SND1: variants seen among roughly 807,000 people sequenced by gnomAD.
SND1 encodes the protein staphylococcal nuclease domain-containing protein 1.
A neutral mutation model predicts 121.7 loss-of-function variants in SND1; 38 were observed. The ratio of observed to expected loss-of-function variants is 0.31; its 90% CI spans 0.24 to 0.41. The LOEUF is 0.41. Among genes scored for constraint, SND1 ranks in the 10% least tolerant of loss-of-function variants. The pLI, the probability that SND1 is intolerant of heterozygous loss-of-function variation, is 1.00. For synonymous variants in SND1, 401 were observed against 447.4 expected, an observed-to-expected ratio of 0.90 and a Z score of 1.31; for missense variants, 868 against 1,184.6, an observed-to-expected ratio of 0.73 and a Z score of 3.92.
At chr7:127,867,297 A>G (rs1799494141) in intron 12 of SND1, among the ~76,000 whole-genome samples, 1 of 152,284 alleles carries the variant, frequency 6.6e-6, no homozygotes, top group East Asian at 1.9e-4. Context: ...CCTTTTCAGT[A>G]TACCACACTT....
At chr7:127,801,430 C>T (rs1211378690) in intron 10 of SND1, among the ~76,000 whole-genome samples, 1 of 152,064 alleles carries the variant, frequency 6.6e-6, no homozygotes, top group African/African-American at 2.4e-5. Context: ...TTTTTCTTAT[C>T]AATTGTCCGT....
intron 10 of SND1, among the ~76,000 whole-genome samples, chr7:127,801,588 G>A (rs980441822): frequency 6.6e-6 from 1 of 152,120 alleles, no homozygotes; most frequent in African/African-American, 2.4e-5. Context: ...CCATGGCATG[G>A]ACATTGCTTT....
chr7:128,031,747 G>A (rs1187322202), intron 16 of SND1: 1 of 144,448 alleles, frequency 6.9e-6, no homozygotes, highest in Admixed American at 6.8e-5. Context: ...CGGCGGCGGC[G>A]GCCGCAGCCC....
At chr7:128,000,488 C>T (rs1802799942) in intron 16 of SND1, among the ~76,000 whole-genome samples, 1 of 151,978 alleles carries the variant, frequency 6.6e-6, no homozygotes, top group African/African-American at 2.4e-5. Context: ...CCACCTCAGC[C>T]TCTCAAGTAG....
At chr7:128,019,757 T>C (rs1387894949) in intron 16 of SND1, among the ~76,000 whole-genome samples, 3 of 152,218 alleles carry the variant, frequency 2.0e-5, no homozygotes, top group Non-Finnish European at 4.4e-5. Context: ...TAAATGTATG[T>C]GATAAAATTA....
intron 15 of SND1, among the ~76,000 whole-genome samples, chr7:127,980,962 A>G (rs1341342316): frequency 6.6e-6 from 1 of 152,218 alleles, no homozygotes; most frequent in Admixed American, 6.5e-5. Flanking sequence ...AAAAATCAAA[A>G]GGGAGGAAAA....
chr7:127,732,314 A>G (rs902732095), intron 10 of SND1, among the ~76,000 whole-genome samples: 3 of 152,064 alleles, frequency 2.0e-5, no homozygotes, highest in South Asian at 2.1e-4. Context: ...TCTACCTGCT[A>G]CCCTCCCTCT....
chr7:128,066,980 C>G (rs2117041264), intron 16 of SND1, among the ~76,000 whole-genome samples: 3 of 152,266 alleles, frequency 2.0e-5, no homozygotes, highest in Admixed American at 2.0e-4. Flanking sequence ...TCTCCATTTC[C>G]CGCGCCCCCC....
rs1792501848 is a variant in SND1 at position 128,029,283 on chromosome 7, A to C, written c.1779+38227A>C. ...GGTCTCCACTGTTACTGTGGTGAAG[A>C]AGCTGTAGTTGGAGGTGTTAAGCTC... On this transcript the variant is annotated intron_variant, in intron 16 of 23. Transcript: ENST00000354725. The surrounding 1 kb of genome is among the most constrained non-coding windows in gnomAD (Gnocchi z 4.2). The C allele has an allele frequency of 2.5e-6, 4 of 1,614,000 alleles. No homozygotes were observed. Among genetic ancestry groups the C allele is most frequent in the Admixed American group, 1.7e-5 (1 of 60,000 alleles).
chr7:128,025,351 G>A (rs546151942), intron 16 of SND1, among the ~76,000 whole-genome samples: 2 of 152,296 alleles, frequency 1.3e-5, no homozygotes, highest in East Asian at 1.9e-4. Flanking sequence ...TCCTCCACTA[G>A]CAGTGTGACC....
At chr7:128,040,857 G>A (rs540100166) in intron 16 of SND1, among the ~76,000 whole-genome samples, 8 of 152,290 alleles carry the variant, frequency 5.3e-5, no homozygotes, top group African/African-American at 1.7e-4. Flanking sequence ...TTAAACATCA[G>A]CATCTGTGGC....
At chr7:128,028,871 T>C (rs1282093963) in intron 16 of SND1, 2 of 1,614,210 alleles carry the variant, frequency 1.2e-6, no homozygotes, top group East Asian at 2.2e-5. Flanking sequence ...CCTCACCTGA[T>C]ACACCGGACG....
chr7:127,892,567 A>T (rs1033873897), intron 13 of SND1, among the ~76,000 whole-genome samples: 1 of 151,868 alleles, frequency 6.6e-6, no homozygotes, highest in African/African-American at 2.4e-5. Context: ...GGGTAAATAA[A>T]CCTCACATTC....
intron 3 of SND1, among the ~76,000 whole-genome samples, chr7:127,697,735 C>T (rs532775482): frequency 6.6e-6 from 1 of 152,284 alleles, no homozygotes; most frequent in African/African-American, 2.4e-5. Flanking sequence ...AGATTTGCCC[C>T]TGCAGAAATT....
chr7:127,984,078 G>A (rs1217117999), intron 15 of SND1, among the ~76,000 whole-genome samples: 1 of 152,122 alleles, frequency 6.6e-6, no homozygotes, highest in Admixed American at 6.5e-5. Flanking sequence ...TTAAAGGCAG[G>A]TCTCCACGCC....
intron 4 of SND1, among the ~76,000 whole-genome samples, chr7:127,700,436 G>A (rs986134137): frequency 6.6e-6 from 1 of 152,174 alleles, no homozygotes; most frequent in Non-Finnish European, 1.5e-5. Flanking sequence ...TTCAGTTTAT[G>A]CATACAGCCG....
chr7:127,707,275 G>C (rs1796218244), intron 8 of SND1, among the ~76,000 whole-genome samples: 1 of 152,156 alleles, frequency 6.6e-6, no homozygotes, highest in African/African-American at 2.4e-5. Context: ...TCACCCAGGA[G>C]ATATTAGATA....
rs531874792 is a variant in SND1 at position 128,080,200 on chromosome 7, A to G, written c.1969-1160A>G. On this transcript the variant is annotated intron_variant, in intron 17 of 23. Transcript: ENST00000354725. The stretch of plus-strand genomic sequence containing the variant: ...GTCTGTGGGACCCCACGCGTGATCC[A>G]TTCTCTGCACTCTCCCACCCACCCT... Among the ~76,000 whole-genome samples, 8 of 152,300 alleles carry G rather than the reference A, an allele frequency of 5.3e-5. No homozygotes were observed. The East Asian group carries it at 1.4e-3, about 26-fold the overall frequency.
At chr7:127,772,784 T>C (rs935076411) in intron 10 of SND1, among the ~76,000 whole-genome samples, 3 of 152,210 alleles carry the variant, frequency 2.0e-5, no homozygotes, top group South Asian at 2.1e-4. Context: ...AACAGTGACA[T>C]TTGTTTGATA....
Sources: allele counts gnomAD v4.1 joint callset (sites outside exome capture counted in the v4.1 genomes callset), GRCh38; gene constraint gnomAD v4.1.1; non-coding constraint Gnocchi (gnomAD v3.1); transcripts MANE v1.5; gene names NCBI Gene and HGNC (gene_info 2026-07-23, HGNC 2026-07-21).